Variants in UNC13C observed in about 807,000 individuals in gnomAD.
UNC13C encodes unc-13 homolog C, also known as protein unc-13 homolog C.
A neutral mutation model predicts 245.4 loss-of-function variants in UNC13C; 174 were observed. The ratio of observed to expected loss-of-function variants is 0.71; its 90% CI spans 0.63 to 0.80. The LOEUF is 0.80. UNC13C is among the 30% of genes least tolerant of loss of function. UNC13C has a pLI of 0.00. For missense variants in UNC13C, 2,829 were observed against 2,602.9 expected, an observed-to-expected ratio of 1.09 and a Z score of -1.89; for synonymous variants, 992 against 895.1, an observed-to-expected ratio of 1.11 and a Z score of -1.93.
intron 19 of UNC13C, among the ~76,000 whole-genome samples, chr15:54,474,991 A>G (rs935168709): frequency 6.6e-6 from 1 of 152,004 alleles, no homozygotes; most frequent in African/African-American, 2.4e-5. Flanking sequence ...CCAAGCCATT[A>G]GTGTGAAGAC....
intron 2 of UNC13C, among the ~76,000 whole-genome samples, chr15:54,033,249 T>C (rs989279916): frequency 6.6e-6 from 1 of 151,988 alleles, no homozygotes; most frequent in South Asian, 2.1e-4. Flanking sequence ...AAATAAAAAA[T>C]ACACAATGTA....
chr15:54,425,402 A>G (rs904845904), intron 19 of UNC13C, among the ~76,000 whole-genome samples: 2 of 151,874 alleles, frequency 1.3e-5, no homozygotes, highest in Non-Finnish European at 2.9e-5. Context: ...AATTCACAGT[A>G]CAGGTGAATC....
At chr15:54,506,430 C>T (rs932778057) in intron 22 of UNC13C, among the ~76,000 whole-genome samples, 1 of 151,900 alleles carries the variant, frequency 6.6e-6, no homozygotes. Context: ...CATCTGTTTA[C>T]CAGGATTTAT....
intron 2 of UNC13C, among the ~76,000 whole-genome samples, chr15:54,040,666 T>A (rs73416926): frequency 4.0e-4 from 61 of 152,282 alleles, no homozygotes; most frequent in Middle Eastern, 3.4e-3. Flanking sequence ...TGGCTTAGGA[T>A]GCTCTTTGGC....
intron 30 of UNC13C, among the ~76,000 whole-genome samples, chr15:54,611,046 C>T (rs559254160): frequency 2.6e-5 from 4 of 152,218 alleles, no homozygotes; most frequent in South Asian, 2.1e-4. Flanking sequence ...CAGGGATACA[C>T]GATGAGGTGG....
chr15:54,021,225 T>C (rs1291856527), intron 2 of UNC13C, among the ~76,000 whole-genome samples: 1 of 152,196 alleles, frequency 6.6e-6, no homozygotes, highest in Non-Finnish European at 1.5e-5. Context: ...AATTTTGAGA[T>C]ATACAATGTT....
chr15:54,151,955 C>T (rs1402987693), intron 4 of UNC13C, among the ~76,000 whole-genome samples: 5 of 152,150 alleles, frequency 3.3e-5, no homozygotes, highest in Non-Finnish European at 7.3e-5. Flanking sequence ...TTTCTGTGAG[C>T]CACTAACTCG....
At chr15:54,630,274 C>T (rs745897873), downstream of UNC13C, 1 of 152,166 alleles carries the variant, frequency 6.6e-6, no homozygotes, top group South Asian at 2.1e-4. Context: ...CAGATGTCCC[C>T]ACTACAACCT....
At chr15:53,995,120 A>G (rs1894560446) in intron 1 of UNC13C, among the ~76,000 whole-genome samples, 1 of 152,166 alleles carries the variant, frequency 6.6e-6, no homozygotes. Flanking sequence ...AAATTTGAAA[A>G]TATTAAATTT....
the UNC13C span, among the ~76,000 whole-genome samples, chr15:53,887,380 A>G: frequency 1.3e-5 from 2 of 152,194 alleles, no homozygotes; most frequent in Non-Finnish European, 2.9e-5. Flanking sequence ...GTGAGGAAAC[A>G]AAGTATATTA....
rs202207430 is a variant in UNC13C at position 54,547,868 on chromosome 15, T to C, written c.5820+1023T>C. On this transcript the variant is annotated intron_variant, in intron 27 of 32. Coordinates refer to ENST00000260323, the MANE Select transcript of UNC13C (RefSeq NM_001080534.3). ...TTTCCATAACACCAGTTAGCACTCA[T>C]GTAGTTGTTCAATAGAGGAATGTCA... Among the ~76,000 whole-genome samples, 6 of 152,134 alleles carry C rather than the reference T, an allele frequency of 3.9e-5. No homozygotes were observed. In the East Asian group the frequency reaches 1.2e-3, roughly 29 times the overall value.
At position 54,532,978 on chromosome 15, in the gene UNC13C, G is replaced by A. The variant is rs765428804; in HGVS notation, c.5608G>A (p.Ala1870Thr). The A allele has an allele frequency of 2.5e-6, 4 of 1,598,260 alleles. No homozygotes were observed. Among genetic ancestry groups the A allele is most frequent in the African/African-American group, 1.3e-5 (1 of 74,776 alleles). Residue 1870 changes from alanine to threonine, a missense_variant, in exon 26 of 33, where the codon GCA (alanine) becomes ACA (threonine). Ala to Thr is a moderately conservative substitution (Grantham distance 58, BLOSUM62 0). Transcript: ENST00000260323. Reference sequence around the variant, plus strand: ...GAGTTTCGAACTAAATCAAATGAGAGCAAATGGAAACACCACATCTAATAA... The same window carrying A: ...GAGTTTCGAACTAAATCAAATGAGAACAAATGGAAACACCACATCTAATAA... Reference protein sequence around the residue: ...QMSFELNQMRANGNTTSNKNS... With the variant: ...QMSFELNQMRTNGNTTSNKNS...
At chr15:54,054,310 T>C (rs1897403332) in intron 2 of UNC13C, among the ~76,000 whole-genome samples, 1 of 152,200 alleles carries the variant, frequency 6.6e-6, no homozygotes, top group Non-Finnish European at 1.5e-5. Context: ...CATCCCACTC[T>C]AGTGCTCTTG....
At chr15:54,504,932 C>T (rs1894400311) in intron 22 of UNC13C, among the ~76,000 whole-genome samples, 1 of 152,152 alleles carries the variant, frequency 6.6e-6, no homozygotes, top group African/African-American at 2.4e-5. Context: ...AATGCTCCAC[C>T]AGTACCTGTG....
At chr15:54,149,283 A>G (rs572137529) in intron 4 of UNC13C, among the ~76,000 whole-genome samples, 1 of 152,300 alleles carries the variant, frequency 6.6e-6, no homozygotes, top group Non-Finnish European at 1.5e-5. Context: ...GTGAAAATGG[A>G]CTAATATGGT....
At chr15:54,291,104 C>G (rs552093117) in intron 10 of UNC13C, among the ~76,000 whole-genome samples, 1 of 152,096 alleles carries the variant, frequency 6.6e-6, no homozygotes, top group South Asian at 2.1e-4. Flanking sequence ...TAGCAAAGAA[C>G]TTAGAATGTT....
chr15:53,891,897 G>A, the UNC13C span, among the ~76,000 whole-genome samples: 1 of 152,174 alleles, frequency 6.6e-6, no homozygotes, highest in South Asian at 2.1e-4. Flanking sequence ...ATTTGATCCT[G>A]TCATTATGAT....
At chr15:54,192,864 C>T (rs1339933653) in intron 4 of UNC13C, among the ~76,000 whole-genome samples, 3 of 151,572 alleles carry the variant, frequency 2.0e-5, no homozygotes. Flanking sequence ...TTATCTAATA[C>T]AGGTTTCTCT....
intron 10 of UNC13C, among the ~76,000 whole-genome samples, chr15:54,289,807 GA>G (rs1002431613): frequency 8.6e-5 from 13 of 150,524 alleles, no homozygotes; most frequent in East Asian, 2.0e-4. Flanking sequence ...ACTGTTGGGG[GA>G]AAAAAAAAGC....
Sources: allele counts gnomAD v4.1 joint callset (sites outside exome capture counted in the v4.1 genomes callset), GRCh38; gene constraint gnomAD v4.1.1; transcripts MANE v1.5; gene names NCBI Gene and HGNC (gene_info 2026-07-23, HGNC 2026-07-21).